NEK1: variants seen among roughly 807,000 people sequenced by gnomAD.
NEK1 encodes the protein NIMA related kinase 1.
In NEK1, 137 loss-of-function variants were observed where a neutral mutation model predicts 182.1. The ratio of observed to expected loss-of-function variants is 0.75; its 90% CI spans 0.65 to 0.87. NEK1 has a LOEUF of 0.87. Among genes scored for constraint, NEK1 ranks in the 40% least tolerant of loss-of-function variants. The probability of loss-of-function intolerance (pLI) is 0.00; values close to 1 mark genes in which losing one functional copy is unlikely to be tolerated. For synonymous variants in NEK1, 513 were observed against 492.2 expected (o/e 1.04, Z -0.56); for missense variants, 1,391 against 1,494.4 (o/e 0.93, Z 1.14).
intron 30 of NEK1, among the ~76,000 whole-genome samples, chr4:169,425,717 T>TAG (rs1344274382): frequency 6.6e-6 from 1 of 152,054 alleles, no homozygotes; most frequent in African/African-American, 2.4e-5. Context: ...GGAGTAGCGC[T>TAG]ATGTTGTCCA....
At chr4:169,518,524 T>C (rs1330952432) in intron 19 of NEK1, among the ~76,000 whole-genome samples, 2 of 98,068 alleles carry the variant, frequency 2.0e-5, no homozygotes, top group Non-Finnish European at 3.8e-5. Flanking sequence ...GCTCTGATTT[T>C]AGTTATTTCT....
In NEK1 at chr4:169,424,782, G is replaced by C. The variant is rs1736083745; in HGVS notation, c.2993C>G (p.Ser998Cys). The change falls in exon 31 of 36, where the codon TCT becomes TGT. Residue 998 changes from serine (S) to cysteine (C), a missense_variant. Around this residue, in one of 5 missense-constraint regions of NEK1, gnomAD observed 1,216 missense variants for 1,277.6 expected, o/e 0.95. Coordinates refer to ENST00000507142, the MANE Select transcript of NEK1 (RefSeq NM_001199397.3). ...ATCTACATCACATTTAGAGTGCTGA[G>C]AATCATTGGTTCCAGGCTCTGTGGT... ...DIHIEPGTND[S>C]QHSKCDVDKS... 6.2e-7 allele frequency: 1 copy of C among 1,608,342 alleles called. No homozygotes were observed.
intron 4 of NEK1, among the ~76,000 whole-genome samples, 168 bp from the exon 5 acceptor site, chr4:169,599,365 T>C (rs1770095664): frequency 6.6e-6 from 1 of 152,212 alleles, no homozygotes; most frequent in South Asian, 2.1e-4. Context: ...AAAGATTGTA[T>C]AATGACTTAG....
At chr4:169,521,520 T>G (rs1392840882) in intron 19 of NEK1, among the ~76,000 whole-genome samples, 1 of 152,194 alleles carries the variant, frequency 6.6e-6, no homozygotes, top group East Asian at 1.9e-4. Flanking sequence ...TCGGCCATCT[T>G]GGTTCCTCCC....
At chr4:169,602,793 G>T in intron 2 of NEK1, 115 bp from the exon 3 acceptor site, 3 of 525,714 alleles carry the variant, frequency 5.7e-6, no homozygotes, top group South Asian at 2.8e-5. Flanking sequence ...TTTTAAAAAA[G>T]GATATTTAAT....
At chr4:169,475,533 C>T (rs1746785596) in intron 26 of NEK1, among the ~76,000 whole-genome samples, 1 of 152,000 alleles carries the variant, frequency 6.6e-6, no homozygotes, top group Non-Finnish European at 1.5e-5. Context: ...ATACCTAGCA[C>T]CCAACAAGGT....
rs145906038 is a variant in NEK1, at chr4:169,595,588, T to C, written c.312+3512A>G. On this transcript the variant is annotated intron_variant, in intron 5 of 35. Coordinates refer to ENST00000507142, the MANE Select transcript of NEK1 (RefSeq NM_001199397.3). ...ACCTGGAGTGCCTTATTTGAGATGA[T>C]TTTCATGTAATCAGTTATGACAAAC... 3.3e-5 allele frequency among the ~76,000 whole-genome samples: 5 copies of C among 152,260 alleles called. No individual in the cohort carries two copies. The East Asian group carries it at 9.7e-4, about 29-fold the overall frequency.
At chr4:169,560,536 C>T (rs902499986) in intron 16 of NEK1, among the ~76,000 whole-genome samples, 1 of 152,112 alleles carries the variant, frequency 6.6e-6, no homozygotes, top group African/African-American at 2.4e-5. Flanking sequence ...AAGTGAGCTG[C>T]TATACTACAG....
At chr4:169,565,068 T>C (rs1222590277) in intron 12 of NEK1, among the ~76,000 whole-genome samples, 1 of 152,186 alleles carries the variant, frequency 6.6e-6, no homozygotes, top group Non-Finnish European at 1.5e-5. Context: ...TAACCTCTAA[T>C]TTTGGCTAGT....
At chr4:169,460,124 G>A (rs2149492689) in intron 27 of NEK1, among the ~76,000 whole-genome samples, 1 of 152,192 alleles carries the variant, frequency 6.6e-6, no homozygotes, top group South Asian at 2.1e-4. Context: ...GTGTATGGGG[G>A]AAGGGCATAT....
intron 32 of NEK1, among the ~76,000 whole-genome samples, chr4:169,406,232 A>C (rs1003716985): frequency 2.0e-5 from 3 of 152,194 alleles, no homozygotes; most frequent in Admixed American, 6.5e-5. Flanking sequence ...CCCACACTCC[A>C]GCTAGGTGAT....
chr4:169,397,432 C>T (rs1730917058), intron 35 of NEK1, among the ~76,000 whole-genome samples: 1 of 152,074 alleles, frequency 6.6e-6, no homozygotes, highest in African/African-American at 2.4e-5. Context: ...CATTTTATAA[C>T]CAGTTTCTTT....
chr4:169,500,365 C>T (rs912102819), intron 23 of NEK1, among the ~76,000 whole-genome samples: 3 of 152,320 alleles, frequency 2.0e-5, no homozygotes, highest in Non-Finnish European at 2.9e-5. Flanking sequence ...GGTGATGCCT[C>T]GCCCTGCTTC....
chr4:169,582,001 A>G (rs1247798398), intron 10 of NEK1, among the ~76,000 whole-genome samples: 2 of 152,180 alleles, frequency 1.3e-5, no homozygotes, highest in Non-Finnish European at 2.9e-5. Flanking sequence ...GATGTTTATA[A>G]ATCAGGAACA....
At chr4:169,504,160 C>G (rs888776575) in intron 23 of NEK1, among the ~76,000 whole-genome samples, 1 of 152,076 alleles carries the variant, frequency 6.6e-6, no homozygotes, top group Admixed American at 6.5e-5. Context: ...AAATACAAAT[C>G]AAAATGACAA....
chr4:169,481,780 C>T (rs1259930327), intron 23 of NEK1, among the ~76,000 whole-genome samples: 2 of 152,176 alleles, frequency 1.3e-5, no homozygotes, highest in Admixed American at 6.5e-5. Flanking sequence ...CTGGCTTCAA[C>T]TTAAAGTCAC....
At chr4:169,567,803 A>G (rs1763963873) in intron 12 of NEK1, among the ~76,000 whole-genome samples, 1 of 152,214 alleles carries the variant, frequency 6.6e-6, no homozygotes, top group African/African-American at 2.4e-5. Context: ...GTTTGAGGGC[A>G]ACGACTCTGC....
chr4:169,608,796 C>T (rs950657852), intron 2 of NEK1, among the ~76,000 whole-genome samples: 1 of 152,130 alleles, frequency 6.6e-6, no homozygotes, highest in African/African-American at 2.4e-5. Context: ...TGGTGGCTCA[C>T]ACTTGTAATC....
chr4:169,524,900 G>C (rs1166589567), intron 19 of NEK1, among the ~76,000 whole-genome samples: 2 of 152,154 alleles, frequency 1.3e-5, no homozygotes, highest in Non-Finnish European at 2.9e-5. Flanking sequence ...AGCTGCTTTT[G>C]TGCCATAATG....
Sources: allele counts gnomAD v4.1 joint callset (sites outside exome capture counted in the v4.1 genomes callset), GRCh38; gene constraint gnomAD v4.1.1; regional missense constraint gnomAD v4.1.1; transcripts MANE v1.5; gene names NCBI Gene and HGNC (gene_info 2026-07-23, HGNC 2026-07-21).